NAA11: variants seen among roughly 807,000 people sequenced by gnomAD.
NAA11 encodes the protein N-alpha-acetyltransferase 11, NatA catalytic subunit, also known as N-alpha-acetyltransferase 11.
A neutral mutation model predicts 16.1 loss-of-function variants in NAA11; 15 were observed. That is an observed-to-expected ratio of 0.93 (90% CI 0.62 to 1.44). The LOEUF (loss-of-function observed/expected upper bound fraction) is 1.44. Among genes scored for constraint, NAA11 ranks in the 40% most tolerant of loss-of-function variants. The probability of loss-of-function intolerance (pLI) is 0.00; values close to 1 mark genes in which losing one functional copy is unlikely to be tolerated. For missense variants in NAA11, 298 were observed against 291.3 expected (o/e 1.02, Z -0.17); for synonymous variants, 122 against 112.4 (o/e 1.09, Z -0.54).
At chr4:79,184,804 A>G in the NAA11 span, among the ~76,000 whole-genome samples, 1 of 152,224 alleles carries the variant, frequency 6.6e-6, no homozygotes, top group Non-Finnish European at 1.5e-5. Flanking sequence ...AAAAGCTGGT[A>G]TATAAATTTA....
the NAA11 span, among the ~76,000 whole-genome samples, chr4:79,194,607 G>A: frequency 1.1e-4 from 17 of 152,032 alleles, no homozygotes; most frequent in African/African-American, 4.1e-4. Flanking sequence ...ATTTGGAAAA[G>A]CCTTATCTGG....
chr4:79,268,947 C>T lies in NAA11; in HGVS notation c.*122+25058G>A, dbSNP rs1164778285. Among the ~76,000 whole-genome samples the T allele has an allele frequency of 6.3e-5, 8 of 127,074 alleles. No individual in the cohort carries two copies. In the East Asian group the frequency reaches 8.6e-4, roughly 14 times the overall value. 83.4% of individuals were successfully genotyped at this position (127,074 alleles called of 152,430 possible). A position where few individuals can be genotyped will look rare whatever the true frequency, so the allele number is the denominator to read the frequency against. On this transcript the variant is annotated intron_variant and NMD_transcript_variant, in intron 2 of 2. Coordinates refer to the NAA11 transcript ENST00000511542. ...ATTCCCACCTATGAGTGAGAATATG[C>T]GGTGTTTGGTTTTTTGTTCTTGCGA...
At chr4:79,229,820 G>T (rs778718698) in intron 2 of NAA11, among the ~76,000 whole-genome samples, 2 of 151,906 alleles carry the variant, frequency 1.3e-5, no homozygotes, top group Non-Finnish European at 2.9e-5. Context: ...AGGTCATGGG[G>T]CTTCTAAATA....
At chr4:79,275,714 T>C (rs1722631721) in intron 2 of NAA11, among the ~76,000 whole-genome samples, 1 of 152,146 alleles carries the variant, frequency 6.6e-6, no homozygotes, top group Admixed American at 6.6e-5. Context: ...GGCAAGGCTT[T>C]AGTTTCCTAG....
downstream of NAA11, among the ~76,000 whole-genome samples, chr4:79,222,682 G>GA (rs1333977068): frequency 4.2e-5 from 6 of 144,208 alleles, no homozygotes; most frequent in African/African-American, 1.5e-4. Context: ...CACAGCAAAA[G>GA]AAACTACCAT....
chr4:79,288,005 C>CA (rs1722986936), intron 2 of NAA11, among the ~76,000 whole-genome samples: 1 of 152,128 alleles, frequency 6.6e-6, no homozygotes, highest in Non-Finnish European at 1.5e-5. Context: ...CTCATAATCT[C>CA]ACATCTGTTA....
At chr4:79,234,076 A>C (rs1560692345) in intron 2 of NAA11, among the ~76,000 whole-genome samples, 3 of 152,138 alleles carry the variant, frequency 2.0e-5, no homozygotes, top group Non-Finnish European at 4.4e-5. Flanking sequence ...AGTAAGACTA[A>C]GTTGTTTTCT....
At chr4:79,207,389 G>T in the NAA11 span, among the ~76,000 whole-genome samples, 3 of 70,486 alleles carry the variant, frequency 4.3e-5, no homozygotes, top group African/African-American at 1.2e-4. Flanking sequence ...AAAAAAAAAA[G>T]GAGAGTTCTA....
At chr4:79,270,147 A>C (rs1436833160) in intron 2 of NAA11, among the ~76,000 whole-genome samples, 5 of 150,742 alleles carry the variant, frequency 3.3e-5, no homozygotes, top group Admixed American at 6.6e-5. Flanking sequence ...TGATGCCTCC[A>C]GCTTTGTTCT....
At chr4:79,174,436 T>G in the NAA11 span, among the ~76,000 whole-genome samples, 1 of 152,118 alleles carries the variant, frequency 6.6e-6, no homozygotes, top group Non-Finnish European at 1.5e-5. Context: ...TACAGGATTT[T>G]ATGTTGTGGA....
At chr4:79,242,555 C>T (rs140722311) in intron 2 of NAA11, among the ~76,000 whole-genome samples, 25 of 152,320 alleles carry the variant, frequency 1.6e-4, no homozygotes, top group African/African-American at 4.8e-4. Flanking sequence ...CTTCATTGGA[C>T]ATTCTTCCTC....
the NAA11 span, among the ~76,000 whole-genome samples, chr4:79,193,108 T>G: frequency 1.3e-5 from 2 of 152,114 alleles, no homozygotes; most frequent in African/African-American, 4.8e-5. Context: ...GAGTTCATTG[T>G]AGATTCTGGA....
At chr4:79,170,460 T>G in the NAA11 span, among the ~76,000 whole-genome samples, 1 of 152,118 alleles carries the variant, frequency 6.6e-6, no homozygotes, top group Non-Finnish European at 1.5e-5. Flanking sequence ...AGCCATATTT[T>G]TGCTAAGACT....
chr4:79,272,636 G>C (rs1246901570), intron 2 of NAA11, among the ~76,000 whole-genome samples: 1 of 152,004 alleles, frequency 6.6e-6, no homozygotes, highest in Non-Finnish European at 1.5e-5. Flanking sequence ...ATTTAGTAAA[G>C]AGGTTTTTAT....
chr4:79,167,786 G>C, the NAA11 span, among the ~76,000 whole-genome samples: 2 of 152,052 alleles, frequency 1.3e-5, no homozygotes, highest in Non-Finnish European at 2.9e-5. Flanking sequence ...GAAGGCGAAG[G>C]GGAAGCCAGC....
intron 1 of NAA11, among the ~76,000 whole-genome samples, chr4:79,322,808 A>G (rs1004758488): frequency 2.6e-5 from 4 of 152,160 alleles, no homozygotes; most frequent in African/African-American, 7.2e-5. Context: ...AAAATGAATC[A>G]GTCACTGTGA....
chr4:79,200,966 T>C, the NAA11 span, among the ~76,000 whole-genome samples: 1 of 151,640 alleles, frequency 6.6e-6, no homozygotes, highest in African/African-American at 2.4e-5. Context: ...CATATATGTA[T>C]TTTTATGTAT....
the NAA11 span, among the ~76,000 whole-genome samples, chr4:79,212,723 A>AT: frequency 6.6e-6 from 1 of 151,826 alleles, no homozygotes; most frequent in Non-Finnish European, 1.5e-5. Context: ...TCATTGTTCT[A>AT]TTTTATTATT....
Position 79,269,590 on chromosome 4 carries a change from T to A in NAA11, c.*122+24415A>T, listed in dbSNP as rs1272526664. On this transcript the variant is annotated intron_variant and NMD_transcript_variant, in intron 2 of 2. Coordinates refer to the NAA11 transcript ENST00000511542. ...TAAATTTGTTTGAGTTCCTTGTAGA[T>A]TCTGGATATTAGCCCTTTGTCAGAT... Among the ~76,000 whole-genome samples the A allele has an allele frequency of 4.0e-5, 6 of 150,620 alleles. 1 individual carries two copies. The highest frequency in any genetic ancestry group is 4.0e-4 in the Admixed American group (6 of 15,186).
Sources: allele counts gnomAD v4.1 joint callset (sites outside exome capture counted in the v4.1 genomes callset), GRCh38; gene constraint gnomAD v4.1.1; transcripts MANE v1.5; gene names NCBI Gene and HGNC (gene_info 2026-07-23, HGNC 2026-07-21).